Variants in NCOA7 observed in about 807,000 individuals in gnomAD.
NCOA7 encodes 140 kDa estrogen receptor-associated protein.
A neutral mutation model predicts 104.3 loss-of-function variants in NCOA7; 45 were observed. The observed-to-expected ratio is 0.43, with a 90% CI of 0.34 to 0.55. NCOA7 has a LOEUF of 0.55. Among genes scored for constraint, NCOA7 ranks in the 20% least tolerant of loss-of-function variants. NCOA7 has a pLI of 0.02. For missense variants in NCOA7, 1,041 were observed against 1,119.7 expected (o/e 0.93, Z 1.00); for synonymous variants, 398 against 402.3 (o/e 0.99, Z 0.13).
At chr6:125,917,431 G>A (rs1230879250) in intron 11 of NCOA7, among the ~76,000 whole-genome samples, 1 of 151,912 alleles carries the variant, frequency 6.6e-6, no homozygotes, top group African/African-American at 2.4e-5. Context: ...CCTGTCCCTG[G>A]AACATCTTCT....
At chr6:125,788,350 T>C (rs1014930759), upstream of NCOA7, among the ~76,000 whole-genome samples, 3 of 152,190 alleles carry the variant, frequency 2.0e-5, no homozygotes, top group Non-Finnish European at 2.9e-5. Flanking sequence ...GGTAAATCAG[T>C]TAATGGAAAG....
intron 2 of NCOA7, among the ~76,000 whole-genome samples, chr6:125,831,430 T>C (rs72969747): frequency 0.037 from 5,706 of 152,262 alleles, 145 homozygotes; most frequent in Non-Finnish European, 0.057. Context: ...GATATCAAGC[T>C]ACTCGGTGTG....
intron 13 of NCOA7, among the ~76,000 whole-genome samples, chr6:125,923,696 A>T (rs138498321): frequency 3.3e-5 from 5 of 152,308 alleles, no homozygotes; most frequent in African/African-American, 1.2e-4. Flanking sequence ...TCATTTATTC[A>T]TCCACTCAGC....
At chr6:125,840,868 G>GTGTTTTTTTTTTTTTTTTT (rs1780076391) in intron 2 of NCOA7, among the ~76,000 whole-genome samples, 1 of 40,340 alleles carries the variant, frequency 2.5e-5, no homozygotes, top group Non-Finnish European at 4.3e-5. Context: ...TGTTTGGTTG[G>GTGTTTTTTTTTTTTTTTTT]TTTTTTTTTT....
Position 125,929,524 on chromosome 6 carries a change from A to G in NCOA7, c.*753A>G, listed in dbSNP as rs1443899100. The G allele has an allele frequency of 6.6e-6, 1 of 152,088 alleles. No individual in the cohort carries two copies. Among genetic ancestry groups the G allele is most frequent in the East Asian group, 1.9e-4 (1 of 5,198 alleles). The allele number at this position is 152,088 out of a possible 1,614,324, so 9.4% of individuals were successfully genotyped here. A position where few individuals can be genotyped will look rare whatever the true frequency, so the allele number is the denominator to read the frequency against. The stretch of plus-strand genomic sequence containing the variant: ...TGTATGTATATGTACATATACATAT[A>G]TATGAGTGTATAATTCTAAATTTCT... On this transcript the variant is annotated 3_prime_UTR_variant, in exon 16 of 16. Coordinates refer to ENST00000392477, the MANE Select transcript of NCOA7 (RefSeq NM_181782.5).
At chr6:125,845,103 T>C (rs187065736) in intron 2 of NCOA7, among the ~76,000 whole-genome samples, 2 of 152,152 alleles carry the variant, frequency 1.3e-5, no homozygotes, top group African/African-American at 4.8e-5. Flanking sequence ...GCCCAAAGAC[T>C]GAGCTCGTTC....
At chr6:125,910,182 A>AAAC (rs1159747760) in intron 10 of NCOA7, among the ~76,000 whole-genome samples, 2 of 152,194 alleles carry the variant, frequency 1.3e-5, no homozygotes, top group African/African-American at 4.8e-5. Context: ...TTAAATAGGA[A>AAAC]AACATCGGGC....
intron 3 of NCOA7, among the ~76,000 whole-genome samples, chr6:125,858,813 T>C (rs1781810822): frequency 6.6e-6 from 1 of 152,060 alleles, no homozygotes; most frequent in Admixed American, 6.5e-5. Context: ...CAAACTCTCA[T>C]CTTGGCAGGT....
At chr6:125,919,509 G>A (rs1290527528) in intron 11 of NCOA7, 37 of 1,398,076 alleles carry the variant, frequency 2.6e-5, no homozygotes, top group Non-Finnish European at 3.5e-5. Context: ...TCTTTTGAAA[G>A]TCGTTCTAAT....
chr6:125,826,051 C>T (rs9388456), intron 2 of NCOA7, among the ~76,000 whole-genome samples: 55,798 of 151,962 alleles, frequency 0.37, 12,024 homozygotes, highest in East Asian at 0.49. Context: ...TTTGGCTGAG[C>T]GCAGTGGGTC....
chr6:125,865,218 G>A (rs961354779), intron 3 of NCOA7, among the ~76,000 whole-genome samples: 1 of 138,842 alleles, frequency 7.2e-6, no homozygotes. Context: ...TGGCACCAAA[G>A]CCTGACTTAT....
At chr6:125,904,729 G>A (rs1048966544) in intron 10 of NCOA7, among the ~76,000 whole-genome samples, 2 of 152,124 alleles carry the variant, frequency 1.3e-5, no homozygotes, top group Admixed American at 6.5e-5. Context: ...TTTGGAGACT[G>A]GTGCAAAACA....
intron 1 of NCOA7, among the ~76,000 whole-genome samples, chr6:125,795,439 C>T (rs112202440): frequency 6.6e-6 from 1 of 152,302 alleles, no homozygotes; most frequent in African/African-American, 2.4e-5. Flanking sequence ...TCACCCATTT[C>T]ACTAATCCAC....
At chr6:125,854,132 TA>T (rs2128618903) in intron 2 of NCOA7, among the ~76,000 whole-genome samples, 1 of 152,280 alleles carries the variant, frequency 6.6e-6, no homozygotes, top group African/African-American at 2.4e-5. Flanking sequence ...AAAAGGGACA[TA>T]ATTTTAAAAT....
intron 10 of NCOA7, among the ~76,000 whole-genome samples, chr6:125,914,027 CT>C (rs1786822642): frequency 6.6e-6 from 1 of 152,232 alleles, no homozygotes; most frequent in African/African-American, 2.4e-5. Context: ...ACTAGTCAGT[CT>C]TTCAAGAGCC....
At chr6:125,867,676 T>A (rs1449230857) in intron 3 of NCOA7, among the ~76,000 whole-genome samples, 1 of 152,204 alleles carries the variant, frequency 6.6e-6, no homozygotes, top group Non-Finnish European at 1.5e-5. Flanking sequence ...CTGAAATACT[T>A]GTGGTTTAGC....
chr6:125,895,732 G>T (rs1174410232), intron 10 of NCOA7, among the ~76,000 whole-genome samples: 1 of 152,092 alleles, frequency 6.6e-6, no homozygotes, highest in Non-Finnish European at 1.5e-5. Flanking sequence ...TCACATGGCA[G>T]GAGTGGAAAA....
chr6:125,835,967 C>T (rs1026514196), intron 2 of NCOA7, among the ~76,000 whole-genome samples: 2 of 152,152 alleles, frequency 1.3e-5, no homozygotes, highest in Non-Finnish European at 2.9e-5. Context: ...TTAATTCCAT[C>T]ATTGAATGGA....
intron 1 of NCOA7, among the ~76,000 whole-genome samples, chr6:125,808,549 A>G (rs1311065804): frequency 6.6e-6 from 1 of 152,214 alleles, no homozygotes; most frequent in Non-Finnish European, 1.5e-5. Context: ...TTGTGGGATC[A>G]TTCTAGATCT....
Sources: gnomAD v4.1 joint callset for allele counts (sites outside exome capture counted in the v4.1 genomes callset) on GRCh38, gnomAD v4.1.1 for gene constraint, MANE v1.5 for transcripts, NCBI Gene and HGNC (gene_info 2026-07-23, HGNC 2026-07-21) for gene names.